The following SEMA3G variants were observed in gnomAD, a reference collection of about 807,000 sequenced individuals.
SEMA3G encodes semaphorin-3G.
Under a neutral mutation model 86.2 loss-of-function variants are expected in SEMA3G, and 70 were observed. That is an observed-to-expected ratio of 0.81 (90% CI 0.67 to 0.99). SEMA3G has a LOEUF of 0.99. SEMA3G is among the 50% of genes least tolerant of loss of function. The pLI is 0.00. For synonymous variants in SEMA3G, 416 were observed against 441.4 expected, an observed-to-expected ratio of 0.94 and a Z score of 0.72; for missense variants, 1,002 against 1,072.4, an observed-to-expected ratio of 0.93 and a Z score of 0.92.
At position 52,441,350 on chromosome 3, in the gene SEMA3G, C is replaced by A. The variant is rs1250231371; in HGVS notation, c.727G>T (p.Val243Leu). 1 of 1,613,820 alleles carries A rather than the reference C, an allele frequency of 6.2e-7. No individual in the cohort carries two copies. Among genetic ancestry groups the A allele is most frequent in the Non-Finnish European group, 8.5e-7 (1 of 1,180,042 alleles). The change falls in exon 7 of 16, where the codon GTG becomes TTG. Residue 243 changes from valine to leucine, a missense_variant. Physicochemically the swap from Val to Leu is conservative, Grantham distance 32 (BLOSUM62 1). Transcript: ENST00000231721. ...ACCGTCTCCGAGAAGAAGAAGTACACCTTGTCATTGTCCTGGTCAGAGTTC... is the reference window on the plus strand; with the variant it reads ...ACCGTCTCCGAGAAGAAGAAGTACAACTTGTCATTGTCCTGGTCAGAGTTC... ...PENSDQDNDK[V>L]YFFFSETVPS...
Position 52,433,378 on chromosome 3 carries a change from T to G in SEMA3G, c.*2225A>C, listed in dbSNP as rs1214915252. 6.6e-6 allele frequency: 1 copy of G among 152,636 alleles called. No individual in the cohort carries two copies. Among genetic ancestry groups the G allele is most frequent in the African/African-American group, 2.4e-5 (1 of 41,444 alleles). 9.5% of individuals were successfully genotyped at this position (152,636 alleles called of 1,614,324 possible). On this transcript the variant is annotated 3_prime_UTR_variant, in exon 16 of 16. Coordinates refer to ENST00000231721, the MANE Select transcript of SEMA3G (RefSeq NM_020163.3). ...TAACTTCATCCCTTTCCTTGTAAAT[T>G]CAGCTTTTCTCACCAGAGCTCAGGG...
Position 52,433,312 on chromosome 3 carries a change from C to T in SEMA3G, c.*2291G>A, listed in dbSNP as rs1705987860. The stretch of plus-strand genomic sequence containing the variant: ...CAGCATCAGTCCATTTAGTACAATA[C>T]ACAGATACACAGTAATGATATAATT... On this transcript the variant is annotated 3_prime_UTR_variant, in exon 16 of 16. Coordinates refer to ENST00000231721, the MANE Select transcript of SEMA3G (RefSeq NM_020163.3). 1 of 152,380 alleles carries T rather than the reference C, an allele frequency of 6.6e-6. No individual in the cohort carries two copies. The highest frequency in any genetic ancestry group is 2.4e-5 in the African/African-American group (1 of 41,450). 9.4% of individuals were successfully genotyped at this position (152,380 alleles called of 1,614,324 possible). A position where few individuals can be genotyped will look rare whatever the true frequency, so the allele number is the denominator to read the frequency against.
Position 52,438,144 on chromosome 3 carries a change from C to A in SEMA3G, c.1565G>T (p.Cys522Phe), listed in dbSNP as rs770358554. 1 of 1,613,270 alleles carries A rather than the reference C, an allele frequency of 6.2e-7. No individual in the cohort carries two copies. Among genetic ancestry groups the A allele is most frequent in the Non-Finnish European group, 8.5e-7 (1 of 1,180,022 alleles). Residue 522 changes from cysteine to phenylalanine, a missense_variant, in exon 14 of 16, where the codon TGT becomes TTT. Coordinates refer to ENST00000231721, the MANE Select transcript of SEMA3G (RefSeq NM_020163.3). ...TGCACAGGCAGTGCCGTAAGTCTCA[C>A]ATTGGTGCAGCCGCAGCTGGGCCAC... ...LGVAQLRLHQCETYGTACAEC... is the reference protein window; with the variant it reads ...LGVAQLRLHQFETYGTACAEC...
Position 52,438,159 on chromosome 3 carries a change from A to G in SEMA3G, c.1550T>C (p.Leu517Pro), listed in dbSNP as rs1706083935. 1.9e-6 allele frequency: 3 copies of G among 1,613,294 alleles called. No homozygotes were observed. The highest frequency in any genetic ancestry group is 2.5e-6 in the Non-Finnish European group (3 of 1,180,026). Reference protein sequence around the residue: ...YVGSRLGVAQLRLHQCETYGT... With the variant: ...YVGSRLGVAQPRLHQCETYGT... ...GTAAGTCTCACATTGGTGCAGCCGCAGCTGGGCCACACCCAGCCGAGAGCC... is the reference window on the plus strand; with the variant it reads ...GTAAGTCTCACATTGGTGCAGCCGCGGCTGGGCCACACCCAGCCGAGAGCC... Residue 517 changes from leucine (L) to proline (P), a missense_variant, in exon 14 of 16, where the codon CTG becomes CCG. Transcript: ENST00000231721.
chr3:52,434,240 C>T lies in SEMA3G; in HGVS notation c.*1363G>A, dbSNP rs182225018. ...GCTGGGAACAACTTTTCATTTAGTCCTCCTCCTCCCCTCTGTGCTCCCCAG... is the reference window on the plus strand; with the variant it reads ...GCTGGGAACAACTTTTCATTTAGTCTTCCTCCTCCCCTCTGTGCTCCCCAG... On this transcript the variant is annotated 3_prime_UTR_variant, in exon 16 of 16. Transcript: ENST00000231721. The surrounding 1 kb of genome is among the most constrained non-coding windows in gnomAD (Gnocchi z 5.2). 1.4e-3 allele frequency: 207 copies of T among 151,462 alleles called. No individual in the cohort carries two copies. The highest frequency in any genetic ancestry group is 4.9e-3 in the African/African-American group (201 of 41,270). The allele number at this position is 151,462 out of a possible 1,614,324, so 9.4% of individuals were successfully genotyped here.
In SEMA3G at chr3:52,437,646, C is replaced by T; in HGVS notation, c.1759G>A (p.Ala587Thr). Residue 587 changes from alanine (A) to threonine (T), a missense_variant, in exon 15 of 16, where the codon GCA becomes ACA. Ala to Thr is a moderately conservative substitution (Grantham distance 58). Transcript: ENST00000231721. ...TCCGTGCCGTAGACCATGGTGGCTG[C>T]CACAAGTCCCACTGCCTCTTCTGGA... is the stretch of plus-strand genomic sequence containing the variant. ...SQEEEAVGLVAATMVYGTEHN... is the reference protein window; with the variant it reads ...SQEEEAVGLVTATMVYGTEHN... 1 of 1,611,904 alleles carries T rather than the reference C, an allele frequency of 6.2e-7. No homozygotes were observed. The highest frequency in any genetic ancestry group is 8.5e-7 in the Non-Finnish European group (1 of 1,179,092).
In SEMA3G at chr3:52,441,275, G is replaced by T; in HGVS notation, c.802C>A (p.Arg268Ser). 1 of 1,613,300 alleles carries T rather than the reference G, an allele frequency of 6.2e-7. No homozygotes were observed. Among genetic ancestry groups the T allele is most frequent in the Non-Finnish European group, 8.5e-7 (1 of 1,179,896 alleles). Residue 268 changes from arginine (R) to serine (S), a missense_variant, in exon 7 of 16, where the codon CGC (arginine) becomes AGC (serine). Physicochemically the swap from Arg to Ser is moderately radical, Grantham distance 110. Transcript: ENST00000231721. ...SNHVTVSRVG[R>S]VCVNDAGGQR... ...TTCCCAGCTCTTACCACGCAGACGC[G>T]GCCCACGCGGCTGACAGTGACATGG...
chr3:52,436,529 C>A (rs915703012), intron 15 of SEMA3G, among the ~76,000 whole-genome samples: 3 of 152,236 alleles, frequency 2.0e-5, no homozygotes, highest in Non-Finnish European at 2.9e-5. Flanking sequence ...TGCGTGTGCC[C>A]ACGCACACAT....
rs907526955 is a variant in SEMA3G at position 52,437,839 on chromosome 3, C to T, written c.1738+132G>A. The T allele has an allele frequency of 1.6e-5, 18 of 1,111,926 alleles. 1 individual carries two copies. The African/African-American group carries it at 2.6e-4, about 16-fold the overall frequency. 68.9% of individuals were successfully genotyped at this position (1,111,926 alleles called of 1,614,324 possible). On this transcript the variant is annotated intron_variant, in intron 14 of 15. Transcript: ENST00000231721. ...CCCTGCTTCCATGCACTAGCAGGAG[C>T]TACACAGAGAGGGAAACTGAGGACT...
chr3:52,438,008 G>T lies in SEMA3G; in HGVS notation c.1701C>A (p.Gly567=), dbSNP rs1359768412. The T allele has an allele frequency of 6.2e-7, 1 of 1,612,908 alleles. No homozygotes were observed. The change falls in exon 14 of 16, where the codon GGC becomes GGA. Residue 567 remains glycine, a synonymous_variant. Transcript: ENST00000231721. ...GGCCCAGGCACTGCAGGGCAGGGTT[G>T]CCGTGCCGGATGTCCTGCCGGCGGA... The part of the protein sequence containing the change: ...RRFRRQDIRH[G]NPALQCLGQS...
At chr3:52,441,191 TGG>T in intron 7 of SEMA3G, 71 bp downstream of exon 7, 1 of 1,555,452 alleles carries the variant, frequency 6.4e-7, no homozygotes, top group Non-Finnish European at 8.7e-7. Flanking sequence ...TGGCCAGGGG[TGG>T]GGGGAGAAAG....
Position 52,441,821 on chromosome 3 carries a change from A to G in SEMA3G, c.548T>C (p.Ile183Thr), listed in dbSNP as rs1214391990. Reference protein sequence around the residue: ...EPSRPFASTFIDGELYTGLTA... With the variant: ...EPSRPFASTFTDGELYTGLTA... ...ACCCTGGCCTGGGCATCACCCACCT[A>G]TGAAGGTGCTGGCAAAGGGACGGCT... is the stretch of plus-strand genomic sequence containing the variant. Residue 183 changes from isoleucine to threonine, a missense_variant and splice_region_variant, in exon 5 of 16, where the codon ATA (isoleucine) becomes ACA (threonine). By Grantham distance (89) the Ile-to-Thr change is moderately conservative. Transcript: ENST00000231721. 6.2e-7 allele frequency: 1 copy of G among 1,607,488 alleles called. No homozygotes were observed. Among genetic ancestry groups the G allele is most frequent in the Non-Finnish European group, 8.5e-7 (1 of 1,176,882 alleles).
chr3:52,444,848 C>A (rs1010083940), intron 1 of SEMA3G, 65 bp downstream of exon 1: 2 of 1,211,652 alleles, frequency 1.7e-6, no homozygotes, highest in East Asian at 3.2e-5. Flanking sequence ...GCACATGCAC[C>A]CAAACAGAGC....
At chr3:52,437,910 G>C in intron 14 of SEMA3G, 61 bp downstream of exon 14, 1 of 1,460,332 alleles carries the variant, frequency 6.8e-7, no homozygotes, top group Non-Finnish European at 9.5e-7. Context: ...CGCAGGGGTG[G>C]AGCCGGGCCA....
intron 1 of SEMA3G, among the ~76,000 whole-genome samples, chr3:52,444,603 A>C (rs1706225401): frequency 6.6e-6 from 1 of 151,088 alleles, no homozygotes; most frequent in Admixed American, 6.6e-5. Flanking sequence ...AACAGGGCAC[A>C]CGCACACAAA....
chr3:52,443,422 C>T (rs1031456790), intron 1 of SEMA3G, among the ~76,000 whole-genome samples: 6 of 152,156 alleles, frequency 3.9e-5, no homozygotes, highest in Non-Finnish European at 7.3e-5. Flanking sequence ...TCCAGGGATG[C>T]GGCCAAAGAC....
Position 52,442,539 on chromosome 3 carries a change from T to C in SEMA3G, c.339+20A>G. The C allele has an allele frequency of 6.2e-7, 1 of 1,612,174 alleles. No individual in the cohort carries two copies. Among genetic ancestry groups the C allele is most frequent in the South Asian group, 1.1e-5 (1 of 91,048 alleles). On this transcript the variant is annotated intron_variant, in intron 3 of 15. Coordinates refer to ENST00000231721, the MANE Select transcript of SEMA3G (RefSeq NM_020163.3). The surrounding 1 kb of genome is among the most constrained non-coding windows in gnomAD (Gnocchi z 6.1). Reference sequence around the variant, plus strand: ...GGCAGGGTGTCAGGTCGGGGGACCATCCCTCCCGACAGCACTCACCAAAGG... The same window carrying C: ...GGCAGGGTGTCAGGTCGGGGGACCACCCCTCCCGACAGCACTCACCAAAGG...
In SEMA3G at chr3:52,442,261, C is replaced by T. The variant is rs779927638; in HGVS notation, c.383G>A (p.Arg128Gln). Residue 128 changes from arginine (R) to glutamine (Q), a missense_variant, in exon 4 of 16, where the codon CGG becomes CAG. By Grantham distance (43) the Arg-to-Gln change is conservative. Coordinates refer to ENST00000231721, the MANE Select transcript of SEMA3G (RefSeq NM_020163.3). This position sits in a 1 kb window ranked among gnomAD's most constrained non-coding sequence, Gnocchi z 6.1. ...NFVRVLQPHNRTHLLACGTGA... is the reference protein window; with the variant it reads ...NFVRVLQPHNQTHLLACGTGA... ...AGTGCCACAGGCTAGCAGGTGGGTC[C>T]GGTTGTGAGGCTGTAGCACCCGCAC... The T allele has an allele frequency of 3.3e-5, 53 of 1,613,746 alleles. No individual in the cohort carries two copies. The highest frequency in any genetic ancestry group is 2.7e-4 in the East Asian group (12 of 44,870).
At position 52,441,848 on chromosome 3, in the gene SEMA3G, G is replaced by A; in HGVS notation, c.521C>T (p.Pro174Leu). The A allele has an allele frequency of 6.2e-7, 1 of 1,601,108 alleles. No homozygotes were observed. The highest frequency in any genetic ancestry group is 8.5e-7 in the Non-Finnish European group (1 of 1,174,060). The stretch of plus-strand genomic sequence containing the variant: ...GAAGGTGCTGGCAAAGGGACGGCTG[G>A]GCTCGTGAGGGCACCGCCCCCGGCC... ...ESGRGRCPHEPSRPFASTFID... is the reference protein window; with the variant it reads ...ESGRGRCPHELSRPFASTFID... Residue 174 changes from proline (P) to leucine (L), a missense_variant, in exon 5 of 16, where the codon CCC (proline) becomes CTC (leucine). By Grantham distance (98) the Pro-to-Leu change is moderately conservative. Coordinates refer to ENST00000231721, the MANE Select transcript of SEMA3G (RefSeq NM_020163.3).
Sources: gnomAD v4.1 joint callset for allele counts (sites outside exome capture counted in the v4.1 genomes callset) on GRCh38, gnomAD v4.1.1 for gene constraint, Gnocchi (gnomAD v3.1) non-coding constraint, MANE v1.5 for transcripts, NCBI Gene and HGNC (gene_info 2026-07-23, HGNC 2026-07-21) for gene names.